SMAD1: variants seen among roughly 807,000 people sequenced by gnomAD.
The protein encoded by SMAD1 is SMAD family member 1, also known as MAD, mothers against decapentaplegic homolog 1.
SMAD1 carries 6 observed loss-of-function variants against 41.6 expected under a neutral mutation model. That is an observed-to-expected ratio of 0.14 (90% CI 0.08 to 0.28). The LOEUF is 0.28. SMAD1 is among the 10% of genes least tolerant of loss of function. The probability of loss-of-function intolerance (pLI) is 1.00; values close to 1 mark genes in which losing one functional copy is unlikely to be tolerated. For missense variants in SMAD1, 379 were observed against 582.6 expected (o/e 0.65, Z 3.60); for synonymous variants, 206 against 203.2 (o/e 1.01, Z -0.12).
chr4:145,523,422 A>G (rs1431129754), intron 2 of SMAD1, among the ~76,000 whole-genome samples: 2 of 152,240 alleles, frequency 1.3e-5, no homozygotes, highest in African/African-American at 4.8e-5. Flanking sequence ...GACTTAAATC[A>G]GTTTACAGGT....
At chr4:145,481,274 G>T (rs1728159321), upstream of SMAD1, 1 of 152,072 alleles carries the variant, frequency 6.6e-6, no homozygotes, top group Non-Finnish European at 1.5e-5. Context: ...CTCAGGGTTT[G>T]TATAACCACG....
chr4:145,532,775 T>C (rs531703785), intron 2 of SMAD1, among the ~76,000 whole-genome samples: 238 of 152,274 alleles, frequency 1.6e-3, no homozygotes, highest in African/African-American at 5.6e-3. Flanking sequence ...GCCCGAGACA[T>C]AGAACAAGTC....
At chr4:145,543,139 G>A (rs1732048070) in intron 4 of SMAD1, among the ~76,000 whole-genome samples, 1 of 152,162 alleles carries the variant, frequency 6.6e-6, no homozygotes, top group Middle Eastern at 3.4e-3. Context: ...ACTAATTTTT[G>A]TATTTTTAGT....
At chr4:145,553,700 T>A in intron 5 of SMAD1, 84 bp from the exon 6 acceptor site, 3 of 1,231,884 alleles carry the variant, frequency 2.4e-6, no homozygotes, top group Non-Finnish European at 3.5e-6. Flanking sequence ...CATGTATATT[T>A]AAGTTTCTGT....
rs1431189199 is a variant in SMAD1 at position 145,539,915 on chromosome 4, C to T, written c.512C>T (p.Thr171Ile). ...GAGCCTCACATGCCACTCAACGCCA[C>T]TTTTCCAGATTCTTTCCAGCAACCC... ...QNEPHMPLNA[T>I]FPDSFQQPNS... Residue 171 changes from threonine (T) to isoleucine (I), a missense_variant, in exon 3 of 7, where the codon ACT (threonine) becomes ATT (isoleucine). Thr to Ile is a moderately conservative substitution (Grantham distance 89). Around this residue, in one of 3 missense-constraint regions of SMAD1, gnomAD observed 208 missense variants for 210.5 expected, o/e 0.99. Transcript: ENST00000302085. The T allele has an allele frequency of 1.3e-5, 21 of 1,613,996 alleles. No individual in the cohort carries two copies. Among genetic ancestry groups the T allele is most frequent in the Non-Finnish European group, 1.7e-5 (20 of 1,180,016 alleles).
intron 2 of SMAD1, among the ~76,000 whole-genome samples, chr4:145,521,798 G>T (rs769094652): frequency 1.3e-5 from 2 of 151,354 alleles, no homozygotes; most frequent in Admixed American, 1.3e-4. Flanking sequence ...GTAATATTCT[G>T]TGATAGTCTG....
At chr4:145,521,427 G>A (rs1305039222) in intron 2 of SMAD1, among the ~76,000 whole-genome samples, 2 of 152,016 alleles carry the variant, frequency 1.3e-5, no homozygotes, top group African/African-American at 4.8e-5. Flanking sequence ...TTGAAATTCT[G>A]AGATTTCAGT....
At chr4:145,543,732 T>C (rs888429501) in intron 4 of SMAD1, among the ~76,000 whole-genome samples, 4 of 152,220 alleles carry the variant, frequency 2.6e-5, no homozygotes, top group Non-Finnish European at 5.9e-5. Context: ...ATAAGTTCGG[T>C]AGACTCTCTG....
chr4:145,532,918 T>G (rs1011235380), intron 2 of SMAD1, among the ~76,000 whole-genome samples: 1 of 152,250 alleles, frequency 6.6e-6, no homozygotes, highest in Non-Finnish European at 1.5e-5. Flanking sequence ...GAAAGTGTGC[T>G]TAAACATGAA....
intron 5 of SMAD1, among the ~76,000 whole-genome samples, chr4:145,548,488 A>C (rs1316302703): frequency 1.3e-5 from 2 of 152,178 alleles, no homozygotes; most frequent in Non-Finnish European, 2.9e-5. Flanking sequence ...TTGGCCTCCC[A>C]AAATTCTGGA....
In SMAD1 at chr4:145,524,653, C is replaced by T. The variant is rs1730931914; in HGVS notation, c.400+9640C>T. On this transcript the variant is annotated intron_variant, in intron 2 of 6. Coordinates refer to ENST00000302085, the MANE Select transcript of SMAD1 (RefSeq NM_005900.3). ...TATTATTTTTCTTCTTATTCTATTT[C>T]TGCAGTATTAGGTGGGCAAGAGAAG... is the stretch of plus-strand genomic sequence containing the variant. 3.9e-5 allele frequency among the ~76,000 whole-genome samples: 6 copies of T among 152,036 alleles called. No homozygotes were observed. The South Asian group carries it at 1.2e-3, about 32-fold the overall frequency.
At chr4:145,496,152 A>G (rs1037854858) in intron 1 of SMAD1, among the ~76,000 whole-genome samples, 3 of 151,944 alleles carry the variant, frequency 2.0e-5, no homozygotes, top group Non-Finnish European at 4.4e-5. Flanking sequence ...GTGGGAAGGT[A>G]TCAAGAAGGA....
chr4:145,524,494 C>T (rs1282274451), intron 2 of SMAD1, among the ~76,000 whole-genome samples: 1 of 152,146 alleles, frequency 6.6e-6, no homozygotes, highest in African/African-American at 2.4e-5. Flanking sequence ...TAGACAACTA[C>T]AATGTGATTT....
At chr4:145,511,651 A>C (rs1471959824) in intron 1 of SMAD1, among the ~76,000 whole-genome samples, 1 of 152,184 alleles carries the variant, frequency 6.6e-6, no homozygotes, top group Non-Finnish European at 1.5e-5. Context: ...ACATGAATTC[A>C]TAACTTACTG....
intron 2 of SMAD1, among the ~76,000 whole-genome samples, chr4:145,517,550 C>T (rs1406024461): frequency 1.3e-5 from 2 of 152,110 alleles, no homozygotes; most frequent in Admixed American, 6.5e-5. Context: ...TCCATGAGGG[C>T]AGGGACTATG....
At chr4:145,491,720 C>T (rs1054504902) in intron 1 of SMAD1, among the ~76,000 whole-genome samples, 5 of 152,180 alleles carry the variant, frequency 3.3e-5, no homozygotes, top group Non-Finnish European at 5.9e-5. Flanking sequence ...ACATGGTTTT[C>T]GTCCAGGAGT....
intron 2 of SMAD1, among the ~76,000 whole-genome samples, chr4:145,533,566 C>T (rs1170717639): frequency 6.6e-6 from 1 of 152,044 alleles, no homozygotes; most frequent in Non-Finnish European, 1.5e-5. Context: ...CATCTGTAGT[C>T]CTAGCTGCTC....
rs978131181 is a variant in SMAD1, at chr4:145,514,555, T to C, written c.-59T>C. The C allele has an allele frequency of 4.1e-6, 6 of 1,447,118 alleles. No individual in the cohort carries two copies. In the African/African-American group the frequency reaches 8.5e-5, roughly 21 times the overall value. The allele number at this position is 1,447,118 out of a possible 1,614,324, so 89.6% of individuals were successfully genotyped here. The stretch of plus-strand genomic sequence containing the variant: ...TAAACAAATCTCTTCTGCTGTCCTT[T>C]TGCATTTGGAGACAGCTTTATTTCA... On this transcript the variant is annotated 5_prime_UTR_variant, in exon 2 of 7. Transcript: ENST00000302085. The surrounding 1 kb of genome is among the most constrained non-coding windows in gnomAD (Gnocchi z 4.7).
intron 5 of SMAD1, among the ~76,000 whole-genome samples, chr4:145,547,844 T>C (rs1732332439): frequency 6.6e-6 from 1 of 152,226 alleles, no homozygotes; most frequent in East Asian, 1.9e-4. Flanking sequence ...GTATTACGTA[T>C]GTGTGTATGC....
Sources: allele counts gnomAD v4.1 joint callset (sites outside exome capture counted in the v4.1 genomes callset), GRCh38; gene constraint gnomAD v4.1.1; regional missense constraint gnomAD v4.1.1; non-coding constraint Gnocchi (gnomAD v3.1); transcripts MANE v1.5; gene names NCBI Gene and HGNC (gene_info 2026-07-23, HGNC 2026-07-21).